Variants in CAPZB observed in about 807,000 individuals in gnomAD.
The protein encoded by CAPZB is F-actin-capping protein subunit beta.
A neutral mutation model predicts 38.1 loss-of-function variants in CAPZB; 2 were observed. That is an observed-to-expected ratio of 0.05 (90% CI 0.02 to 0.17). The LOEUF is 0.17. Among genes scored for constraint, CAPZB ranks in the 10% least tolerant of loss-of-function variants. The probability of loss-of-function intolerance (pLI) is 1.00; values close to 1 mark genes in which losing one functional copy is unlikely to be tolerated. For synonymous variants in CAPZB, 107 were observed against 127.4 expected (o/e 0.84, Z 1.08); for missense variants, 161 against 334.2 (o/e 0.48, Z 4.04).
At chr1:19,370,260 A>T (rs2094112792) in intron 4 of CAPZB, among the ~76,000 whole-genome samples, 2 of 152,230 alleles carry the variant, frequency 1.3e-5, no homozygotes, top group African/African-American at 4.8e-5. Context: ...ATCACAGTAC[A>T]GGGCTGTGCC....
intron 2 of CAPZB, among the ~76,000 whole-genome samples, chr1:19,387,634 C>G (rs1250620035): frequency 6.6e-6 from 1 of 152,212 alleles, no homozygotes; most frequent in African/African-American, 2.4e-5. Context: ...TCAATTTTTC[C>G]TCAATTACAG....
intron 1 of CAPZB, among the ~76,000 whole-genome samples, chr1:19,444,426 C>T (rs771767142): frequency 6.6e-6 from 1 of 152,194 alleles, no homozygotes; most frequent in Non-Finnish European, 1.5e-5. Context: ...ACAATGAAAA[C>T]ATTTTCTCAC....
At chr1:19,412,341 T>C (rs1427049309) in intron 2 of CAPZB, among the ~76,000 whole-genome samples, 4 of 152,196 alleles carry the variant, frequency 2.6e-5, no homozygotes, top group African/African-American at 9.7e-5. Flanking sequence ...GGAAGCCAAG[T>C]TTCCCCACCC....
intron 8 of CAPZB, among the ~76,000 whole-genome samples, chr1:19,341,188 C>G (rs1261241660): frequency 6.6e-6 from 1 of 152,232 alleles, no homozygotes; most frequent in Non-Finnish European, 1.5e-5. Flanking sequence ...GGGAAATACA[C>G]GTTTCTGAGT....
intron 2 of CAPZB, among the ~76,000 whole-genome samples, chr1:19,386,203 C>G (rs569437204): frequency 6.6e-6 from 1 of 152,224 alleles, no homozygotes; most frequent in Non-Finnish European, 1.5e-5. Context: ...GGCTCACCTC[C>G]GGCTGGCCTG....
At chr1:19,369,360 C>T (rs1305986007) in intron 4 of CAPZB, among the ~76,000 whole-genome samples, 1 of 152,232 alleles carries the variant, frequency 6.6e-6, no homozygotes, top group Non-Finnish European at 1.5e-5. Flanking sequence ...CTCAGCTGTA[C>T]CCCTCCAAAG....
At chr1:19,447,844 T>C (rs2094501829) in intron 1 of CAPZB, among the ~76,000 whole-genome samples, 1 of 152,222 alleles carries the variant, frequency 6.6e-6, no homozygotes, top group African/African-American at 2.4e-5. Flanking sequence ...GCACTGGTAC[T>C]ATCTAAGCAA....
At chr1:19,476,187 GATA>G in intron 1 of CAPZB, among the ~76,000 whole-genome samples, 1 of 125,886 alleles carries the variant, frequency 7.9e-6, no homozygotes, top group Non-Finnish European at 1.5e-5. Context: ...TAGATAGATA[GATA>G]GATAGATAGA....
At chr1:19,428,765 A>C (rs1243011298) in intron 1 of CAPZB, among the ~76,000 whole-genome samples, 1 of 152,124 alleles carries the variant, frequency 6.6e-6, no homozygotes, top group Non-Finnish European at 1.5e-5. Context: ...CTCCCCCGTG[A>C]GTCTTTCATC....
At chr1:19,477,152 CT>C (rs2094609767) in intron 1 of CAPZB, among the ~76,000 whole-genome samples, 1 of 152,240 alleles carries the variant, frequency 6.6e-6, no homozygotes, top group Non-Finnish European at 1.5e-5. Context: ...TGAGTGAACA[CT>C]CAATACCAGC....
chr1:19,423,148 AT>A (rs757311656), intron 1 of CAPZB, among the ~76,000 whole-genome samples: 2 of 152,234 alleles, frequency 1.3e-5, no homozygotes, highest in African/African-American at 2.4e-5. Flanking sequence ...ATCCCAATTA[AT>A]CTTAATTGGA....
At chr1:19,361,643 T>C (rs975136298) in intron 4 of CAPZB, among the ~76,000 whole-genome samples, 3 of 152,250 alleles carry the variant, frequency 2.0e-5, no homozygotes, top group Non-Finnish European at 4.4e-5. Flanking sequence ...AATTTATTTC[T>C]TACCTACTGT....
At chr1:19,482,851 C>G (rs980754841) in intron 1 of CAPZB, among the ~76,000 whole-genome samples, 4 of 152,246 alleles carry the variant, frequency 2.6e-5, no homozygotes, top group African/African-American at 7.2e-5. Flanking sequence ...CGCCAACCAT[C>G]TACACCGGCT....
intron 6 of CAPZB, among the ~76,000 whole-genome samples, chr1:19,348,765 G>C (rs527323596): frequency 6.6e-5 from 9 of 136,182 alleles, no homozygotes; most frequent in East Asian, 2.0e-4. Context: ...GACAAGGGGG[G>C]GGGGCGGTCT....
At chr1:19,479,038 G>A (rs994926849) in intron 1 of CAPZB, among the ~76,000 whole-genome samples, 1 of 152,066 alleles carries the variant, frequency 6.6e-6, no homozygotes, top group Non-Finnish European at 1.5e-5. Flanking sequence ...GTGAAACCCT[G>A]TCTCTACTAA....
chr1:19,385,381 A>G, intron 3 of CAPZB, 124 bp downstream of exon 3: 9 of 1,044,362 alleles, frequency 8.6e-6, no homozygotes, highest in Non-Finnish European at 1.3e-5. Context: ...CAGGGAACAA[A>G]CGGAAGGAAA....
chr1:19,404,922 G>A (rs2094323426), intron 2 of CAPZB, among the ~76,000 whole-genome samples: 1 of 152,148 alleles, frequency 6.6e-6, no homozygotes, highest in African/African-American at 2.4e-5. Flanking sequence ...ACACAGATGA[G>A]GAAACTGAGG....
intron 4 of CAPZB, among the ~76,000 whole-genome samples, chr1:19,375,283 GGAGA>G (rs1040854341): frequency 6.6e-6 from 1 of 152,244 alleles, no homozygotes; most frequent in South Asian, 2.1e-4. Context: ...TGTGGTCCCA[GGAGA>G]GAGAGCTCTT....
Position 19,484,361 on chromosome 1 carries a change from T to G in CAPZB, c.3+1075A>C, listed in dbSNP as rs766395834. 1.9e-6 allele frequency: 3 copies of G among 1,551,030 alleles called. No homozygotes were observed. In the South Asian group the frequency reaches 3.6e-5, roughly 18 times the overall value. On this transcript the variant is annotated intron_variant, in intron 1 of 8. Transcript: ENST00000264202. Reference sequence around the variant, plus strand: ...CACAAGGGCGATTGTGCGTTCATCCTTGTCCTGTGGGCCACCCATCCTCGC... The same window carrying G: ...CACAAGGGCGATTGTGCGTTCATCCGTGTCCTGTGGGCCACCCATCCTCGC...
Sources: allele counts gnomAD v4.1 joint callset (sites outside exome capture counted in the v4.1 genomes callset), GRCh38; gene constraint gnomAD v4.1.1; transcripts MANE v1.5; gene names NCBI Gene and HGNC (gene_info 2026-07-23, HGNC 2026-07-21).